RORA: variants seen among roughly 807,000 people sequenced by gnomAD.
RORA encodes the protein nuclear receptor ROR-alpha.
A neutral mutation model predicts 69.5 loss-of-function variants in RORA; 7 were observed. The ratio of observed to expected loss-of-function variants is 0.10; its 90% CI spans 0.06 to 0.19. The LOEUF (loss-of-function observed/expected upper bound fraction) is 0.19, where lower values mean the gene tolerates loss of function less well. Ranked by LOEUF, RORA falls within the 10% of genes least tolerant of loss-of-function variation. The probability of loss-of-function intolerance (pLI) is 1.00; values close to 1 mark genes in which losing one functional copy is unlikely to be tolerated. For synonymous variants in RORA, 261 were observed against 240.8 expected, an observed-to-expected ratio of 1.08 and a Z score of -0.78; for missense variants, 457 against 663.0, an observed-to-expected ratio of 0.69 and a Z score of 3.41.
chr15:61,104,291 TA>T (rs1566990780), intron 1 of RORA, among the ~76,000 whole-genome samples: 1 of 152,202 alleles, frequency 6.6e-6, no homozygotes, highest in Non-Finnish European at 1.5e-5. Flanking sequence ...TTATTTCTAT[TA>T]AAATTAGCCC....
intron 1 of RORA, among the ~76,000 whole-genome samples, chr15:61,099,894 G>A (rs1040999261): frequency 2.0e-5 from 3 of 152,090 alleles, no homozygotes; most frequent in Admixed American, 2.0e-4. Context: ...ACTATCTAAA[G>A]GTCATCTTTC....
At chr15:61,208,571 T>A (rs2079962600) in intron 1 of RORA, among the ~76,000 whole-genome samples, 1 of 152,214 alleles carries the variant, frequency 6.6e-6, no homozygotes, top group African/African-American at 2.4e-5. Context: ...TCAATAATAA[T>A]TTTTTTAAAG....
intron 1 of RORA, among the ~76,000 whole-genome samples, chr15:60,715,872 T>A (rs12439595): frequency 0.042 from 6,459 of 152,226 alleles, 222 homozygotes; most frequent in Non-Finnish European, 0.062. Flanking sequence ...AAATTCACAG[T>A]TGGGAGAAAT....
At position 60,777,529 on chromosome 15, in the gene RORA, A is replaced by G. The variant is rs563973773; in HGVS notation, c.167-98843T>C. Among the ~76,000 whole-genome samples the G allele has an allele frequency of 2.6e-5, 4 of 152,308 alleles. No individual in the cohort carries two copies. In the East Asian group the frequency reaches 7.7e-4, roughly 29 times the overall value. On this transcript the variant is annotated intron_variant, in intron 1 of 10. Coordinates refer to ENST00000335670, the MANE Select transcript of RORA (RefSeq NM_134261.3). ...GCATAATCTTACCTAGTCCCACCTG[A>G]TATTAAGATGCTAAAATAGCCTACT...
At chr15:61,160,993 A>G (rs11855869) in intron 1 of RORA, among the ~76,000 whole-genome samples, 6,381 of 152,244 alleles carry the variant, frequency 0.042, 462 homozygotes, top group African/African-American at 0.15. Context: ...AGCTCCCATT[A>G]AAAGCCAATT....
rs554279214 is a variant in RORA, at chr15:60,846,138, T to C, written c.167-167452A>G. Among the ~76,000 whole-genome samples, 77 of 152,248 alleles carry C rather than the reference T, an allele frequency of 5.1e-4. 1 individual carries two copies. Among genetic ancestry groups the C allele is most frequent in the Non-Finnish European group, 2.4e-4 (16 of 68,018 alleles). On this transcript the variant is annotated intron_variant, in intron 1 of 10. Coordinates refer to ENST00000335670, the MANE Select transcript of RORA (RefSeq NM_134261.3). The stretch of plus-strand genomic sequence containing the variant: ...GATAAAGTAACTTGTCCTAGGGAAA[T>C]GAATCTTGGTTGAGACAATAACTAT...
chr15:60,892,966 GC>G (rs1314905014), intron 1 of RORA, among the ~76,000 whole-genome samples: 3 of 152,316 alleles, frequency 2.0e-5, no homozygotes, highest in Non-Finnish European at 4.4e-5. Context: ...ACATTTGCCT[GC>G]CCACCCCCTC....
At chr15:60,837,598 T>C (rs571635650) in intron 1 of RORA, among the ~76,000 whole-genome samples, 12 of 152,298 alleles carry the variant, frequency 7.9e-5, no homozygotes, top group Admixed American at 7.8e-4. Flanking sequence ...GTTTGGAGTG[T>C]AGGGGCGCAC....
rs1199665934 is a variant in RORA at position 61,167,522 on chromosome 15, T to A, written c.166+61531A>T. ...TTTTTTTTTTTTTTTTTTTTTTTTT[T>A]ATGAAGAAATTTCTCTACAACCAGG... On this transcript the variant is annotated intron_variant, in intron 1 of 10. Transcript: ENST00000335670. 2.4e-3 allele frequency among the ~76,000 whole-genome samples: 235 copies of A among 98,304 alleles called. 1 individual carries two copies. The highest frequency in any genetic ancestry group is 3.8e-3 in the Non-Finnish European group (189 of 49,360). The allele number at this position is 98,304 out of a possible 152,430, so 64.5% of individuals were successfully genotyped here. A position where few individuals can be genotyped will look rare whatever the true frequency, so the allele number is the denominator to read the frequency against.
At chr15:61,058,636 T>C (rs180933338) in intron 1 of RORA, among the ~76,000 whole-genome samples, 55 of 152,266 alleles carry the variant, frequency 3.6e-4, no homozygotes, top group Admixed American at 3.3e-4. Context: ...TAAGCCTTTG[T>C]GCTGGAGTGA....
chr15:60,870,518 T>C lies in RORA; in HGVS notation c.167-191832A>G, dbSNP rs181258344. The stretch of plus-strand genomic sequence containing the variant: ...AGTGTAGTGAGAGTGGCGACAACCA[T>C]AGAGCAGAGGGGCGTCTTTAGCTAG... On this transcript the variant is annotated intron_variant, in intron 1 of 10. Coordinates refer to ENST00000335670, the MANE Select transcript of RORA (RefSeq NM_134261.3). Among the ~76,000 whole-genome samples, 3 of 152,292 alleles carry C rather than the reference T, an allele frequency of 2.0e-5. No individual in the cohort carries two copies. In the East Asian group the frequency reaches 5.8e-4, roughly 29 times the overall value.
intron 1 of RORA, among the ~76,000 whole-genome samples, chr15:61,007,725 A>G (rs920921966): frequency 6.0e-5 from 9 of 148,786 alleles, no homozygotes; most frequent in African/African-American, 2.2e-4. Flanking sequence ...GGCTAATATT[A>G]TATATTTTAT....
At chr15:60,631,739 T>A (rs2069741607) in intron 2 of RORA, among the ~76,000 whole-genome samples, 1 of 152,214 alleles carries the variant, frequency 6.6e-6, no homozygotes, top group South Asian at 2.1e-4. Flanking sequence ...AAGGGCAACC[T>A]CACAGGCTCC....
intron 1 of RORA, among the ~76,000 whole-genome samples, chr15:60,979,325 A>T (rs1893970205): frequency 9.3e-6 from 1 of 107,638 alleles, no homozygotes. Context: ...TGTCCCTTTC[A>T]TTTTCATTTG....
At chr15:61,030,935 G>A (rs1040877791) in intron 1 of RORA, among the ~76,000 whole-genome samples, 1 of 152,100 alleles carries the variant, frequency 6.6e-6, no homozygotes, top group African/African-American at 2.4e-5. Context: ...GTATATGTGT[G>A]TATAAAAAAT....
At chr15:61,051,508 A>G (rs1897289095) in intron 1 of RORA, among the ~76,000 whole-genome samples, 1 of 152,160 alleles carries the variant, frequency 6.6e-6, no homozygotes, top group Non-Finnish European at 1.5e-5. Flanking sequence ...ATCCCCTGCG[A>G]AAAGAATCCT....
Position 61,213,756 on chromosome 15 carries a change from T to A in RORA, c.166+15297A>T, listed in dbSNP as rs182675338. 22 of 152,352 alleles carry A rather than the reference T, an allele frequency of 1.4e-4. No homozygotes were observed. Among genetic ancestry groups the A allele is most frequent in the African/African-American group, 5.1e-4 (21 of 41,580 alleles). The allele number at this position is 152,352 out of a possible 1,614,324, so 9.4% of individuals were successfully genotyped here. On this transcript the variant is annotated intron_variant, in intron 1 of 10. Coordinates refer to ENST00000335670, the MANE Select transcript of RORA (RefSeq NM_134261.3). The surrounding 1 kb of genome is among the most constrained non-coding windows in gnomAD (Gnocchi z 4.1). Reference sequence around the variant, plus strand: ...GCTACATCTTTTTAAAGTAATGTCTTTCTTGCCCATCAATTCACTTAATTC... The same window carrying A: ...GCTACATCTTTTTAAAGTAATGTCTATCTTGCCCATCAATTCACTTAATTC...
intron 2 of RORA, among the ~76,000 whole-genome samples, chr15:60,640,478 G>A (rs558477168): frequency 6.6e-6 from 1 of 152,130 alleles, no homozygotes; most frequent in African/African-American, 2.4e-5. Context: ...ATCACATCAT[G>A]CCCCTACCCT....
chr15:60,552,107 C>T (rs929684787), intron 2 of RORA, among the ~76,000 whole-genome samples: 3 of 152,240 alleles, frequency 2.0e-5, no homozygotes, highest in South Asian at 2.1e-4. Context: ...AGGTAGAACA[C>T]GATGCAGCTG....
Sources: allele counts gnomAD v4.1 joint callset (sites outside exome capture counted in the v4.1 genomes callset), GRCh38; gene constraint gnomAD v4.1.1; non-coding constraint Gnocchi (gnomAD v3.1); transcripts MANE v1.5; gene names NCBI Gene and HGNC (gene_info 2026-07-23, HGNC 2026-07-21).